Variants in PTPRT observed in about 807,000 individuals in gnomAD.
PTPRT encodes receptor-type tyrosine-protein phosphatase T.
Under a neutral mutation model 176.8 loss-of-function variants are expected in PTPRT, and 56 were observed. The ratio of observed to expected loss-of-function variants is 0.32; its 90% CI spans 0.26 to 0.40. PTPRT has a LOEUF of 0.40. PTPRT is among the 10% of genes least tolerant of loss of function. PTPRT has a pLI of 1.00. For synonymous variants in PTPRT, 783 were observed against 739.0 expected, an observed-to-expected ratio of 1.06 and a Z score of -0.96; for missense variants, 1,540 against 1,908.2, an observed-to-expected ratio of 0.81 and a Z score of 3.60.
intron 7 of PTPRT, among the ~76,000 whole-genome samples, chr20:42,496,888 T>A (rs1288643182): frequency 6.6e-6 from 1 of 152,146 alleles, no homozygotes; most frequent in Admixed American, 6.6e-5. Flanking sequence ...CAATGTGTAA[T>A]GAAACTTAAA....
At chr20:42,206,053 C>T (rs1489913260) in intron 15 of PTPRT, among the ~76,000 whole-genome samples, 3 of 152,126 alleles carry the variant, frequency 2.0e-5, no homozygotes, top group African/African-American at 7.2e-5. Flanking sequence ...TTTCTGCCTG[C>T]CAGTTCAGGA....
rs573831088 is a variant in PTPRT at position 43,038,794 on chromosome 20, G to A, written c.88+150852C>T. 1.1e-4 allele frequency among the ~76,000 whole-genome samples: 16 copies of A among 152,142 alleles called. No individual in the cohort carries two copies. The South Asian group carries it at 2.7e-3, about 26-fold the overall frequency. On this transcript the variant is annotated intron_variant, in intron 1 of 30. Coordinates refer to ENST00000373187, the MANE Select transcript of PTPRT (RefSeq NM_007050.6). ...TGCCTAAAACCACATCTATTTATAC[G>A]AGCAATAGCCAATTAGAAAATATAA...
chr20:42,206,633 C>T (rs555008663), intron 15 of PTPRT, among the ~76,000 whole-genome samples: 13 of 152,194 alleles, frequency 8.5e-5, no homozygotes, highest in East Asian at 1.9e-4. Flanking sequence ...GAGGGTCCTA[C>T]GCCCACGGAG....
the PTPRT span, among the ~76,000 whole-genome samples, chr20:42,053,227 C>T: frequency 3.9e-5 from 6 of 152,004 alleles, no homozygotes; most frequent in Non-Finnish European, 5.9e-5. Flanking sequence ...AGTGGCTCTG[C>T]GGTGGGATCC....
chr20:42,414,471 G>GTTA (rs1414245079), intron 9 of PTPRT, among the ~76,000 whole-genome samples: 2 of 152,184 alleles, frequency 1.3e-5, no homozygotes, highest in Non-Finnish European at 2.9e-5. Flanking sequence ...GGTAAAAACA[G>GTTA]TTATTATTTG....
At chr20:42,632,958 G>A (rs2074444954) in intron 7 of PTPRT, among the ~76,000 whole-genome samples, 1 of 152,094 alleles carries the variant, frequency 6.6e-6, no homozygotes, top group Non-Finnish European at 1.5e-5. Flanking sequence ...TCATAAATAG[G>A]ACATCTATTT....
intron 7 of PTPRT, among the ~76,000 whole-genome samples, chr20:42,649,009 T>C (rs988253133): frequency 2.6e-5 from 4 of 151,694 alleles, no homozygotes; most frequent in Admixed American, 6.6e-5. Context: ...TTAGTAGAGA[T>C]GGGGTTTCAC....
chr20:43,124,103 C>T (rs1026410721), intron 1 of PTPRT, among the ~76,000 whole-genome samples: 2 of 152,214 alleles, frequency 1.3e-5, no homozygotes, highest in Non-Finnish European at 2.9e-5. Context: ...AACAGCTTCT[C>T]TGCTCATCTC....
intron 12 of PTPRT, among the ~76,000 whole-genome samples, chr20:42,289,400 C>T (rs1231702611): frequency 6.6e-6 from 1 of 151,946 alleles, no homozygotes; most frequent in Non-Finnish European, 1.5e-5. Flanking sequence ...GGACTAGTAT[C>T]CAGAATCTGT....
At chr20:42,324,197 A>G (rs1184282926) in intron 11 of PTPRT, among the ~76,000 whole-genome samples, 1 of 152,238 alleles carries the variant, frequency 6.6e-6, no homozygotes, top group Non-Finnish European at 1.5e-5. Flanking sequence ...AACAAAAGAA[A>G]TAAACTACTG....
chr20:43,005,128 G>A (rs1165481301), intron 1 of PTPRT, among the ~76,000 whole-genome samples: 1 of 151,638 alleles, frequency 6.6e-6, no homozygotes, highest in African/African-American at 2.4e-5. Context: ...CATCTCACCA[G>A]CACCCAGGAA....
At chr20:42,186,980 T>G (rs1232071183) in intron 16 of PTPRT, among the ~76,000 whole-genome samples, 3 of 152,196 alleles carry the variant, frequency 2.0e-5, no homozygotes, top group Non-Finnish European at 4.4e-5. Context: ...ATCCTTGCTA[T>G]TAAGGGGAAT....
rs143270692 is a variant in PTPRT at position 42,382,594 on chromosome 20, C to T, written c.1561-30309G>A. Among the ~76,000 whole-genome samples, 1,180 of 152,032 alleles carry T rather than the reference C, an allele frequency of 7.8e-3. 20 individuals are homozygous for T. Among genetic ancestry groups the T allele is most frequent in the African/African-American group, 0.027 (1,129 of 41,448 alleles). ...GTGTCATGGAGATGGGTGCTAGGTC[C>T]GTGCAGGAAAACAGGGGGAGAAGGG... On this transcript the variant is annotated intron_variant, in intron 9 of 30. Transcript: ENST00000373187.
intron 25 of PTPRT, among the ~76,000 whole-genome samples, chr20:42,103,829 A>G (rs367866855): frequency 6.6e-6 from 1 of 152,362 alleles, no homozygotes; most frequent in Admixed American, 6.5e-5. Flanking sequence ...ATAAGACCTC[A>G]GTTAAAAAAC....
intron 6 of PTPRT, among the ~76,000 whole-genome samples, chr20:42,694,040 C>CTT (rs56156122): frequency 8.7e-5 from 12 of 138,440 alleles, no homozygotes; most frequent in Admixed American, 1.4e-4. Context: ...ATTTTATTTT[C>CTT]TTTTTTTTTT....
At chr20:42,684,200 C>T (rs2075652761) in intron 6 of PTPRT, among the ~76,000 whole-genome samples, 1 of 152,048 alleles carries the variant, frequency 6.6e-6, no homozygotes, top group Non-Finnish European at 1.5e-5. Context: ...TAAAAATTAG[C>T]TGGGCACGGT....
Position 42,199,318 on chromosome 20 carries a change from C to A in PTPRT, c.2413G>T (p.Asp805Tyr), listed in dbSNP as rs200990749. 1.0e-4 allele frequency: 164 copies of A among 1,614,138 alleles called. No individual in the cohort carries two copies. The highest frequency in any genetic ancestry group is 1.3e-4 in the Non-Finnish European group (159 of 1,180,024). ...QREMGPVASADKPTTKLSASR... is the reference protein window; with the variant it reads ...QREMGPVASAYKPTTKLSASR... ...GCGCTGAGCTTGGTGGTGGGTTTGT[C>A]GGCAGAGGCCACAGGCCCCATCTCC... Residue 805 changes from aspartate (D) to tyrosine (Y), a missense_variant, in exon 16 of 31, where the codon GAC becomes TAC. Transcript: ENST00000373187.
At chr20:42,575,007 T>C (rs1229726734) in intron 7 of PTPRT, among the ~76,000 whole-genome samples, 6 of 152,106 alleles carry the variant, frequency 3.9e-5, no homozygotes, top group Non-Finnish European at 7.4e-5. Context: ...GAACTGTGAG[T>C]CAATTAAACC....
In PTPRT at chr20:42,312,802, C is replaced by CT. The variant is rs11482597; in HGVS notation, c.2139+2920dup. The stretch of plus-strand genomic sequence containing the variant: ...GATGAGGCAGTTTCAGAGTGAGATC[C>CT]TTTTTTTTTTTTTTTTTTTTTTCCT... On this transcript the variant is annotated intron_variant, in intron 12 of 30. Transcript: ENST00000373187. Among the ~76,000 whole-genome samples, 420 of 112,340 alleles carry CT rather than the reference C, an allele frequency of 3.7e-3. 3 individuals carry two copies. The highest frequency in any genetic ancestry group is 0.033 in the Middle Eastern group (7 of 212). 73.7% of individuals were successfully genotyped at this position (112,340 alleles called of 152,430 possible).
Sources: allele counts gnomAD v4.1 joint callset (sites outside exome capture counted in the v4.1 genomes callset), GRCh38; gene constraint gnomAD v4.1.1; transcripts MANE v1.5; gene names NCBI Gene and HGNC (gene_info 2026-07-23, HGNC 2026-07-21).